The following PRDM6 variants were observed in gnomAD, a reference collection of about 807,000 sequenced individuals.
The protein encoded by PRDM6 is PR/SET domain 6, also known as putative histone-lysine N-methyltransferase PRDM6.
A neutral mutation model predicts 60.8 loss-of-function variants in PRDM6; 25 were observed. The observed-to-expected ratio is 0.41, with a 90% CI of 0.30 to 0.57. PRDM6 has a LOEUF of 0.57. PRDM6 is among the 20% of genes least tolerant of loss of function. The pLI is 0.27. For missense variants in PRDM6, 839 were observed against 821.3 expected, an observed-to-expected ratio of 1.02 and a Z score of -0.26; for synonymous variants, 407 against 357.4, an observed-to-expected ratio of 1.14 and a Z score of -1.57.
chr5:123,155,143 A>G lies in PRDM6; in HGVS notation c.901-741A>G, dbSNP rs573666269. Among the ~76,000 whole-genome samples the G allele has an allele frequency of 1.9e-4, 29 of 152,134 alleles. No individual in the cohort carries two copies. The South Asian group carries it at 2.3e-3, about 12-fold the overall frequency. ...AGCAGATTTCATTTTCTCAAATGCT[A>G]TCTTGAAAGGAAATCTGCTTGAATT... On this transcript the variant is annotated intron_variant, in intron 3 of 7. Transcript: ENST00000407847.
At chr5:123,157,569 C>T (rs1055185485) in intron 4 of PRDM6, among the ~76,000 whole-genome samples, 3 of 152,120 alleles carry the variant, frequency 2.0e-5, no homozygotes, top group Admixed American at 1.3e-4. Flanking sequence ...CTCTCTCTGC[C>T]GATCTGTTTT....
intron 6 of PRDM6, among the ~76,000 whole-genome samples, chr5:123,174,201 G>A (rs1436490773): frequency 6.6e-6 from 1 of 152,160 alleles, no homozygotes. Flanking sequence ...GCATCATGTT[G>A]CTGTTCATAA....
rs1270841805 is a variant in PRDM6 at position 123,190,162 on chromosome 5, AC to A, written c.*2962del. 7.9e-5 allele frequency: 12 copies of A among 152,188 alleles called. No homozygotes were observed. The highest frequency in any genetic ancestry group is 2.9e-4 in the African/African-American group (12 of 41,512). The allele number at this position is 152,188 out of a possible 1,614,324, so 9.4% of individuals were successfully genotyped here. On this transcript the variant is annotated 3_prime_UTR_variant, in exon 8 of 8. Coordinates refer to ENST00000407847, the MANE Select transcript of PRDM6 (RefSeq NM_001136239.4). The stretch of plus-strand genomic sequence containing the variant: ...TTGGCTCTTGAAGCAATCCTTCTTT[AC>A]TCTTTTCTTTCAATGGGGATAAAAT...
At chr5:123,168,821 G>A (rs2126882542) in intron 5 of PRDM6, among the ~76,000 whole-genome samples, 1 of 152,384 alleles carries the variant, frequency 6.6e-6, no homozygotes, top group African/African-American at 2.4e-5. Flanking sequence ...CTTAACACAT[G>A]TGATGCTGCA....
At chr5:123,125,331 G>A (rs979918676) in intron 3 of PRDM6, among the ~76,000 whole-genome samples, 2 of 152,002 alleles carry the variant, frequency 1.3e-5, no homozygotes, top group African/African-American at 4.8e-5. Context: ...TTAAATTGTG[G>A]CATCATAAAT....
intron 3 of PRDM6, among the ~76,000 whole-genome samples, chr5:123,129,174 G>C (rs1484189584): frequency 6.6e-6 from 1 of 152,178 alleles, no homozygotes; most frequent in Non-Finnish European, 1.5e-5. Flanking sequence ...TTGCCTTGTA[G>C]TATAGTTTGA....
chr5:123,102,641 A>C (rs1764129370), intron 3 of PRDM6, among the ~76,000 whole-genome samples: 2 of 152,138 alleles, frequency 1.3e-5, no homozygotes, highest in Non-Finnish European at 1.5e-5. Context: ...AATTAAAAGC[A>C]GTTGAATCAT....
intron 3 of PRDM6, among the ~76,000 whole-genome samples, chr5:123,119,944 TTTTAA>T (rs1252349159): frequency 6.6e-6 from 1 of 152,214 alleles, no homozygotes; most frequent in African/African-American, 2.4e-5. Context: ...AAAAATTATA[TTTTAA>T]TTTATTTGCA....
Position 123,106,115 on chromosome 5 carries a change from C to T in PRDM6, c.900+6154C>T, listed in dbSNP as rs1442551843. Among the ~76,000 whole-genome samples, 5 of 152,178 alleles carry T rather than the reference C, an allele frequency of 3.3e-5. 1 individual carries two copies. The highest frequency in any genetic ancestry group is 1.2e-4 in the African/African-American group (5 of 41,434). ...TACAACCAGCACCACTGACAGAGGC[C>T]AATCAGTGCACCATAAATGTCAGGT... On this transcript the variant is annotated intron_variant, in intron 3 of 7. Coordinates refer to ENST00000407847, the MANE Select transcript of PRDM6 (RefSeq NM_001136239.4).
intron 3 of PRDM6, among the ~76,000 whole-genome samples, chr5:123,110,134 G>C (rs369310750): frequency 3.3e-5 from 5 of 151,946 alleles, no homozygotes; most frequent in African/African-American, 1.2e-4. Flanking sequence ...TGAAAAGCAA[G>C]AATTCCAAGT....
intron 3 of PRDM6, among the ~76,000 whole-genome samples, chr5:123,123,240 G>A (rs1764620794): frequency 6.6e-6 from 1 of 152,064 alleles, no homozygotes; most frequent in South Asian, 2.1e-4. Context: ...CATATTAGTG[G>A]CTTTTAACAG....
intron 6 of PRDM6, among the ~76,000 whole-genome samples, chr5:123,172,660 G>A (rs1187577395): frequency 1.3e-5 from 2 of 152,154 alleles, no homozygotes; most frequent in Non-Finnish European, 2.9e-5. Flanking sequence ...TTTTTAAATA[G>A]AGTGAATTCA....
intron 6 of PRDM6, among the ~76,000 whole-genome samples, chr5:123,177,005 C>T (rs163041): frequency 0.071 from 10,773 of 152,158 alleles, 404 homozygotes; most frequent in African/African-American, 0.082. Context: ...TATTGAAAGA[C>T]GTGGAGTTAG....
At chr5:123,113,722 C>T (rs80339409) in intron 3 of PRDM6, among the ~76,000 whole-genome samples, 2,848 of 152,226 alleles carry the variant, frequency 0.019, 80 homozygotes, top group African/African-American at 0.065. Flanking sequence ...CCTCTTTATT[C>T]AGCTGACCCT....
chr5:123,100,653 A>G (rs1391950340), intron 3 of PRDM6, among the ~76,000 whole-genome samples: 1 of 152,364 alleles, frequency 6.6e-6, no homozygotes, highest in Admixed American at 6.5e-5. Context: ...ATGGAAAATC[A>G]AAACATGGGA....
intron 7 of PRDM6, among the ~76,000 whole-genome samples, chr5:123,181,055 C>A (rs543373077): frequency 6.6e-6 from 1 of 152,352 alleles, no homozygotes; most frequent in East Asian, 1.9e-4. Context: ...ACATCTGAAT[C>A]CGTGCAAGAT....
At chr5:123,117,415 T>C (rs997818406) in intron 3 of PRDM6, among the ~76,000 whole-genome samples, 2 of 152,210 alleles carry the variant, frequency 1.3e-5, no homozygotes, top group East Asian at 1.9e-4. Context: ...TTTGGCATTT[T>C]TTTTTCCTCT....
chr5:123,164,807 G>A (rs1306720889), intron 5 of PRDM6, among the ~76,000 whole-genome samples: 7 of 152,120 alleles, frequency 4.6e-5, no homozygotes, highest in Non-Finnish European at 7.4e-5. Context: ...GGAGTGTAGG[G>A]GGCTGACATC....
chr5:123,125,921 C>G (rs753644944), intron 3 of PRDM6, among the ~76,000 whole-genome samples: 3 of 151,576 alleles, frequency 2.0e-5, no homozygotes, highest in Non-Finnish European at 4.4e-5. Context: ...CATATGTAAG[C>G]TAATTTTCAG....
Sources: allele counts gnomAD v4.1 joint callset (sites outside exome capture counted in the v4.1 genomes callset), GRCh38; gene constraint gnomAD v4.1.1; transcripts MANE v1.5; gene names NCBI Gene and HGNC (gene_info 2026-07-23, HGNC 2026-07-21).